ZC3H10: variants seen among roughly 807,000 people sequenced by gnomAD.
ZC3H10 encodes zinc finger CCCH domain-containing protein 10.
A neutral mutation model predicts 24.3 loss-of-function variants in ZC3H10; 12 were observed. The ratio of observed to expected loss-of-function variants is 0.49; its 90% confidence interval spans 0.32 to 0.80. ZC3H10 has a LOEUF of 0.80. Among genes scored for constraint, ZC3H10 ranks in the 30% least tolerant of loss-of-function variants. The probability of loss-of-function intolerance (pLI) is 0.04; values close to 1 mark genes in which losing one functional copy is unlikely to be tolerated. For missense variants in ZC3H10, 360 were observed against 576.3 expected (o/e 0.62, Z 3.84); for synonymous variants, 226 against 217.0 (o/e 1.04, Z -0.36).
chr12:56,123,297 G>A lies in ZC3H10; in HGVS notation c.*1430G>A, dbSNP rs1459070737. 2 of 151,864 alleles carry A rather than the reference G, an allele frequency of 1.3e-5. No individual in the cohort carries two copies. The highest frequency in any genetic ancestry group is 2.9e-5 in the Non-Finnish European group (2 of 68,000). 9.4% of individuals were successfully genotyped at this position (151,864 alleles called of 1,614,324 possible). On this transcript the variant is annotated 3_prime_UTR_variant, in exon 3 of 3. Transcript: ENST00000257940. ...CTGGTTGATCACTCAGGTCACATCTGGGATTGGAGATGGTGGGCTAGGTCA... is the reference window on the plus strand; with the variant it reads ...CTGGTTGATCACTCAGGTCACATCTAGGATTGGAGATGGTGGGCTAGGTCA...
At position 56,123,068 on chromosome 12, in the gene ZC3H10, C is replaced by T. The variant is rs1043296318; in HGVS notation, c.*1201C>T. On this transcript the variant is annotated 3_prime_UTR_variant, in exon 3 of 3. Transcript: ENST00000257940. ...GGTCCATCCCTTTCCTCTGTCTCCACATAGGACCAGAAGTTTTAAATCTAC... is the reference window on the plus strand; with the variant it reads ...GGTCCATCCCTTTCCTCTGTCTCCATATAGGACCAGAAGTTTTAAATCTAC... 6.6e-6 allele frequency: 1 copy of T among 152,238 alleles called. No individual in the cohort carries two copies. The highest frequency in any genetic ancestry group is 2.4e-5 in the African/African-American group (1 of 41,450). The allele number at this position is 152,238 out of a possible 1,614,324, so 9.4% of individuals were successfully genotyped here. A position where few individuals can be genotyped will look rare whatever the true frequency, so the allele number is the denominator to read the frequency against.
intron 1 of ZC3H10, 113 bp downstream of exon 1, chr12:56,118,431 T>C (rs1213716225): frequency 6.5e-6 from 1 of 152,942 alleles, no homozygotes; most frequent in Non-Finnish European, 1.5e-5. Context: ...CCGAGCTGGC[T>C]CGTCCTCACA....
chr12:56,126,800 CTGAA>C lies in ZC3H10; in HGVS notation c.*4938_*4941del, dbSNP rs1484079442. 1 of 152,154 alleles carries C rather than the reference CTGAA, an allele frequency of 6.6e-6. No individual in the cohort carries two copies. Among genetic ancestry groups the C allele is most frequent in the Non-Finnish European group, 1.5e-5 (1 of 68,030 alleles). The allele number at this position is 152,154 out of a possible 1,614,324, so 9.4% of individuals were successfully genotyped here. A position where few individuals can be genotyped will look rare whatever the true frequency, so the allele number is the denominator to read the frequency against. On this transcript the variant is annotated 3_prime_UTR_variant, in exon 3 of 3. Transcript: ENST00000257940. ...ATTGTTTCTTAAATAGTTCTGCAAA[CTGAA>C]TGAAGCAGTCAAGATACTGCTAGCC...
At chr12:56,119,293 T>A (rs919464100) in intron 2 of ZC3H10, 142 bp downstream of exon 2, 7 of 152,496 alleles carry the variant, frequency 4.6e-5, no homozygotes, top group African/African-American at 1.7e-4. Context: ...AGTTTGTATC[T>A]TCTTTTACCA....
chr12:56,121,487 A>G lies in ZC3H10; in HGVS notation c.925A>G (p.Ile309Val), dbSNP rs1187924446. ...VGTVATFNHG[I>V]AQTHTTLSSQ... ...CACTGTTGCCACTTTTAACCATGGCATTGCCCAGACTCACACTACTCTCAG... is the reference window on the plus strand; with the variant it reads ...CACTGTTGCCACTTTTAACCATGGCGTTGCCCAGACTCACACTACTCTCAG... Residue 309 changes from isoleucine to valine, a missense_variant, in exon 3 of 3, where the codon ATT (isoleucine) becomes GTT (valine). Ile to Val is a conservative substitution (Grantham distance 29). Around this residue, in one of 3 missense-constraint regions of ZC3H10, gnomAD observed 133 missense variants for 256.7 expected, o/e 0.52. Transcript: ENST00000257940. This position sits in a 1 kb window ranked among gnomAD's most constrained non-coding sequence, Gnocchi z 6.2. The G allele has an allele frequency of 3.1e-6, 5 of 1,612,306 alleles. No homozygotes were observed. The highest frequency in any genetic ancestry group is 4.2e-6 in the Non-Finnish European group (5 of 1,178,508).
At position 56,123,608 on chromosome 12, in the gene ZC3H10, G is replaced by T. The variant is rs979369716; in HGVS notation, c.*1741G>T. ...GGCTAATTTTTTTATTTTTAGTAGA[G>T]ACGGGGTTTCATCGTGTTGGCCAGA... On this transcript the variant is annotated 3_prime_UTR_variant, in exon 3 of 3. Coordinates refer to ENST00000257940, the MANE Select transcript of ZC3H10 (RefSeq NM_032786.3). 6.6e-6 allele frequency: 1 copy of T among 151,920 alleles called. No individual in the cohort carries two copies. The highest frequency in any genetic ancestry group is 2.4e-5 in the African/African-American group (1 of 41,344). 9.4% of individuals were successfully genotyped at this position (151,920 alleles called of 1,614,324 possible).
chr12:56,121,136 A>G lies in ZC3H10; in HGVS notation c.574A>G (p.Ile192Val), dbSNP rs1233160578. The G allele has an allele frequency of 1.2e-6, 2 of 1,614,072 alleles. No homozygotes were observed. The highest frequency in any genetic ancestry group is 1.7e-6 in the Non-Finnish European group (2 of 1,180,030). ...AGGACGACGTCATGATCTCTATGATATCTATGACCTTCCTGACAGGGGCTT... is the reference window on the plus strand; with the variant it reads ...AGGACGACGTCATGATCTCTATGATGTCTATGACCTTCCTGACAGGGGCTT... ...LPGRRHDLYD[I>V]YDLPDRGFED... Residue 192 changes from isoleucine (I) to valine (V), a missense_variant, in exon 3 of 3, where the codon ATC (isoleucine) becomes GTC (valine). Around this residue, in one of 3 missense-constraint regions of ZC3H10, gnomAD observed 101 missense variants for 110.8 expected, o/e 0.91. Coordinates refer to ENST00000257940, the MANE Select transcript of ZC3H10 (RefSeq NM_032786.3). The surrounding 1 kb of genome is among the most constrained non-coding windows in gnomAD (Gnocchi z 6.2).
rs1022538986 is a variant in ZC3H10, at chr12:56,125,649, G to T, written c.*3782G>T. On this transcript the variant is annotated 3_prime_UTR_variant, in exon 3 of 3. Coordinates refer to ENST00000257940, the MANE Select transcript of ZC3H10 (RefSeq NM_032786.3). The stretch of plus-strand genomic sequence containing the variant: ...ACCCATTTTACAGAGGAGAAAGCAG[G>T]CTTAAAAAGTAACCTGCCCAGGGTT... 6.6e-6 allele frequency: 1 copy of T among 152,182 alleles called. No individual in the cohort carries two copies. The highest frequency in any genetic ancestry group is 1.5e-5 in the Non-Finnish European group (1 of 68,044). The allele number at this position is 152,182 out of a possible 1,614,324, so 9.4% of individuals were successfully genotyped here.
chr12:56,125,412 G>T lies in ZC3H10; in HGVS notation c.*3545G>T, dbSNP rs1003207511. The T allele has an allele frequency of 6.6e-6, 1 of 151,962 alleles. No individual in the cohort carries two copies. Among genetic ancestry groups the T allele is most frequent in the Non-Finnish European group, 1.5e-5 (1 of 68,018 alleles). The allele number at this position is 151,962 out of a possible 1,614,324, so 9.4% of individuals were successfully genotyped here. ...AGCTAATTTTCTTTTTGTATTTTTA[G>T]TAGAGACGGGGTTTCACCGTGTTAG... is the stretch of plus-strand genomic sequence containing the variant. On this transcript the variant is annotated 3_prime_UTR_variant, in exon 3 of 3. Transcript: ENST00000257940.
rs1471371937 is a variant in ZC3H10, at chr12:56,120,507, G to T, written c.-52-4G>T. The T allele has an allele frequency of 1.4e-6, 2 of 1,474,790 alleles. No homozygotes were observed. Among genetic ancestry groups the T allele is most frequent in the Admixed American group, 2.6e-5 (1 of 38,556 alleles). 91.4% of individuals were successfully genotyped at this position (1,474,790 alleles called of 1,614,324 possible). A position where few individuals can be genotyped will look rare whatever the true frequency, so the allele number is the denominator to read the frequency against. On this transcript the variant is annotated splice_polypyrimidine_tract_variant and splice_region_variant and intron_variant, in intron 2 of 2. Transcript: ENST00000257940. ...CTGTTTGATACAGTTCTCCTCTTTT[G>T]TAGTGGTCACCAAGAGTGGCAAGAT...
Position 56,120,846 on chromosome 12 carries a change from T to C in ZC3H10, c.284T>C (p.Ile95Thr). ...KECSRPNCRF[I>T]HGSKEDEDGY... ...TGTAGCCGCCCAAATTGCCGTTTCA[T>C]CCATGGCTCCAAGGAGGATGAGGAT... is the stretch of plus-strand genomic sequence containing the variant. Residue 95 changes from isoleucine to threonine, a missense_variant, in exon 3 of 3, where the codon ATC becomes ACC. Physicochemically the swap from Ile to Thr is moderately conservative, Grantham distance 89 (BLOSUM62 -1). Coordinates refer to ENST00000257940, the MANE Select transcript of ZC3H10 (RefSeq NM_032786.3). 1 of 1,614,098 alleles carries C rather than the reference T, an allele frequency of 6.2e-7. No homozygotes were observed. Among genetic ancestry groups the C allele is most frequent in the Non-Finnish European group, 8.5e-7 (1 of 1,180,016 alleles).
chr12:56,122,094 C>T lies in ZC3H10; in HGVS notation c.*227C>T. 1 of 574,142 alleles carries T rather than the reference C, an allele frequency of 1.7e-6. No homozygotes were observed. The highest frequency in any genetic ancestry group is 3.1e-6 in the Non-Finnish European group (1 of 321,428). 35.6% of individuals were successfully genotyped at this position (574,142 alleles called of 1,614,324 possible). The stretch of plus-strand genomic sequence containing the variant: ...CTTCAAGCCTCACAGTGGGGGCTTG[C>T]AGAGGAGTGCAGACTGAAGCCAGCA... On this transcript the variant is annotated 3_prime_UTR_variant, in exon 3 of 3. Coordinates refer to ENST00000257940, the MANE Select transcript of ZC3H10 (RefSeq NM_032786.3).
Position 56,122,027 on chromosome 12 carries a change from T to C in ZC3H10, c.*160T>C. The C allele has an allele frequency of 1.1e-6, 1 of 891,344 alleles. No individual in the cohort carries two copies. The highest frequency in any genetic ancestry group is 1.7e-6 in the Non-Finnish European group (1 of 599,412). 55.2% of individuals were successfully genotyped at this position (891,344 alleles called of 1,614,324 possible). ...GTCCTGAGGAGGGGTTGGGATGGTG[T>C]GTTTTCTCTCACCTCCCTTTTATGA... On this transcript the variant is annotated 3_prime_UTR_variant, in exon 3 of 3. Coordinates refer to ENST00000257940, the MANE Select transcript of ZC3H10 (RefSeq NM_032786.3).
rs1396346228 is a variant in ZC3H10, at chr12:56,121,513, C to T, written c.951C>T (p.Ser317=). Reference sequence around the variant, plus strand: ...TTGCCCAGACTCACACTACTCTCAGCAGCCAGGCTCTACAGCCTCGTCCAG... The same window carrying T: ...TTGCCCAGACTCACACTACTCTCAGTAGCCAGGCTCTACAGCCTCGTCCAG... ...HGIAQTHTTL[S]SQALQPRPVS... Residue 317 remains serine, a synonymous_variant, in exon 3 of 3, where the codon AGC becomes AGT. Coordinates refer to ENST00000257940, the MANE Select transcript of ZC3H10 (RefSeq NM_032786.3). This position sits in a 1 kb window ranked among gnomAD's most constrained non-coding sequence, Gnocchi z 6.2. 3.1e-6 allele frequency: 5 copies of T among 1,613,786 alleles called. No homozygotes were observed. The Admixed American group carries it at 8.3e-5, about 27-fold the overall frequency.
At chr12:56,118,762 T>G (rs1869716863) in intron 1 of ZC3H10, 1 of 152,228 alleles carries the variant, frequency 6.6e-6, no homozygotes, top group African/African-American at 2.4e-5. Context: ...ACGCTGCCTT[T>G]TTGAGGTTCC....
rs934109892 is a variant in ZC3H10, at chr12:56,120,499, C to T, written c.-52-12C>T. ...GAGGACTCCTGTTTGATACAGTTCT[C>T]CTCTTTTGTAGTGGTCACCAAGAGT... is the stretch of plus-strand genomic sequence containing the variant. On this transcript the variant is annotated splice_polypyrimidine_tract_variant and intron_variant, in intron 2 of 2. Transcript: ENST00000257940. 2.7e-6 allele frequency: 4 copies of T among 1,461,130 alleles called. No homozygotes were observed. The African/African-American group carries it at 5.7e-5, about 21-fold the overall frequency. The allele number at this position is 1,461,130 out of a possible 1,614,324, so 90.5% of individuals were successfully genotyped here. A position where few individuals can be genotyped will look rare whatever the true frequency, so the allele number is the denominator to read the frequency against.
chr12:56,121,789 A>C lies in ZC3H10; in HGVS notation c.1227A>C (p.Thr409=). The part of the protein sequence containing the change: ...VSMAQPLAGI[T]MSHTTTPMVT... ...TGGCCCAACCCTTGGCAGGAATCAC[A>C]ATGAGCCACACCACCACTCCCATGG... The change falls in exon 3 of 3, where the codon ACA becomes ACC. Residue 409 remains threonine (T), a synonymous_variant. Transcript: ENST00000257940. This position sits in a 1 kb window ranked among gnomAD's most constrained non-coding sequence, Gnocchi z 6.2. The C allele has an allele frequency of 6.2e-7, 1 of 1,614,082 alleles. No homozygotes were observed. Among genetic ancestry groups the C allele is most frequent in the Admixed American group, 1.7e-5 (1 of 60,022 alleles).
Position 56,120,681 on chromosome 12 carries a change from C to A in ZC3H10, c.119C>A (p.Ala40Asp), listed in dbSNP as rs1485385038. ...GVGSGGASSD[A>D]ICRDFLRNVC... The stretch of plus-strand genomic sequence containing the variant: ...GGCAGTGGCGGGGCCAGCTCAGATG[C>A]CATCTGTAGAGACTTCTTGAGGAAT... The change falls in exon 3 of 3, where the codon GCC becomes GAC. Residue 40 changes from alanine (A) to aspartate (D), a missense_variant. By Grantham distance (126) the Ala-to-Asp change is moderately radical. Transcript: ENST00000257940. 1 of 1,608,528 alleles carries A rather than the reference C, an allele frequency of 6.2e-7. No homozygotes were observed. Among genetic ancestry groups the A allele is most frequent in the Admixed American group, 1.7e-5 (1 of 59,700 alleles).
chr12:56,125,546 C>T lies in ZC3H10; in HGVS notation c.*3679C>T, dbSNP rs1404056570. The T allele has an allele frequency of 6.6e-6, 1 of 152,106 alleles. No individual in the cohort carries two copies. Among genetic ancestry groups the T allele is most frequent in the Admixed American group, 6.6e-5 (1 of 15,260 alleles). 9.4% of individuals were successfully genotyped at this position (152,106 alleles called of 1,614,324 possible). On this transcript the variant is annotated 3_prime_UTR_variant, in exon 3 of 3. Coordinates refer to ENST00000257940, the MANE Select transcript of ZC3H10 (RefSeq NM_032786.3). ...CACCCAGCCGGCTAGCATTTGTTGA[C>T]TGCTTAATATAAGCCAAGGCTCTGT...
Sources: gnomAD v4.1 joint callset for allele counts on GRCh38, gnomAD v4.1.1 for gene constraint, gnomAD v4.1.1 regional missense constraint, Gnocchi (gnomAD v3.1) non-coding constraint, MANE v1.5 for transcripts, NCBI Gene and HGNC (gene_info 2026-07-23, HGNC 2026-07-21) for gene names.